Variants in IQCM observed in about 807,000 individuals in gnomAD.
IQCM encodes IQ motif containing M.
Under a neutral mutation model 57.6 loss-of-function variants are expected in IQCM, and 45 were observed. The ratio of observed to expected loss-of-function variants is 0.78; its 90% CI spans 0.62 to 1.00. The LOEUF is 1.00. Among genes scored for constraint, IQCM ranks in the 50% least tolerant of loss-of-function variants. The pLI is 0.00. For missense variants in IQCM, 468 were observed against 511.6 expected (o/e 0.91, Z 0.82); for synonymous variants, 148 against 158.9 (o/e 0.93, Z 0.51).
At chr4:149,473,631 A>C (rs1739840502) in intron 12 of IQCM, among the ~76,000 whole-genome samples, 1 of 152,194 alleles carries the variant, frequency 6.6e-6, no homozygotes, top group African/African-American at 2.4e-5. Flanking sequence ...CTGGGTATAC[A>C]CCCAAAGGAT....
chr4:149,741,035 T>C (rs1178815543), intron 3 of IQCM, among the ~76,000 whole-genome samples: 1 of 152,142 alleles, frequency 6.6e-6, no homozygotes, highest in African/African-American at 2.4e-5. Flanking sequence ...TACATGTAAG[T>C]GAAGAAAACA....
intron 2 of IQCM, among the ~76,000 whole-genome samples, chr4:149,743,561 A>T (rs1309834852): frequency 6.6e-6 from 1 of 152,204 alleles, no homozygotes; most frequent in Non-Finnish European, 1.5e-5. Context: ...TGCTGGATGA[A>T]TATCAGAATC....
At chr4:149,496,386 A>C (rs1742662448) in intron 12 of IQCM, among the ~76,000 whole-genome samples, 1 of 152,156 alleles carries the variant, frequency 6.6e-6, no homozygotes, top group African/African-American at 2.4e-5. Flanking sequence ...TTGCAGATGT[A>C]ATGAAGTGAA....
chr4:149,807,517 G>A (rs910350101), intron 2 of IQCM, among the ~76,000 whole-genome samples: 10 of 151,864 alleles, frequency 6.6e-5, no homozygotes, highest in African/African-American at 2.4e-4. Context: ...CATCAGTCTG[G>A]GCAAAGTTTT....
At chr4:149,657,505 A>C (rs1313846480) in intron 7 of IQCM, among the ~76,000 whole-genome samples, 1 of 152,052 alleles carries the variant, frequency 6.6e-6, no homozygotes, top group Non-Finnish European at 1.5e-5. Flanking sequence ...GACAGAATTC[A>C]TCTCCTGTGG....
chr4:149,622,926 G>T (rs1415204824), intron 7 of IQCM, among the ~76,000 whole-genome samples: 1 of 152,082 alleles, frequency 6.6e-6, no homozygotes, highest in Non-Finnish European at 1.5e-5. Context: ...ACTGTTCCAA[G>T]GCAAGGACTA....
intron 9 of IQCM, among the ~76,000 whole-genome samples, chr4:149,587,062 TA>T (rs1484876492): frequency 3.3e-5 from 5 of 151,736 alleles, no homozygotes; most frequent in African/African-American, 1.2e-4. Flanking sequence ...TTTCTCCTTT[TA>T]TGAAATTTCC....
chr4:149,431,595 G>A (rs1395393490), intron 13 of IQCM, among the ~76,000 whole-genome samples: 2 of 151,922 alleles, frequency 1.3e-5, no homozygotes, highest in African/African-American at 4.8e-5. Flanking sequence ...GATACAGAAT[G>A]GTTCCATCAC....
intron 10 of IQCM, among the ~76,000 whole-genome samples, chr4:149,553,975 A>T (rs1380260243): frequency 6.6e-6 from 1 of 151,990 alleles, no homozygotes; most frequent in Non-Finnish European, 1.5e-5. Flanking sequence ...TTAACAAGTC[A>T]ATTATTTTTA....
intron 7 of IQCM, among the ~76,000 whole-genome samples, chr4:149,673,942 G>GTA (rs1175189808): frequency 1.3e-5 from 2 of 152,140 alleles, no homozygotes; most frequent in East Asian, 3.9e-4. Context: ...AAACTCTAAA[G>GTA]AACTTTAAAC....
chr4:149,804,350 A>C (rs778210458), intron 2 of IQCM, among the ~76,000 whole-genome samples: 2 of 151,998 alleles, frequency 1.3e-5, no homozygotes, highest in Admixed American at 6.6e-5. Context: ...TTTATTTCTC[A>C]AGAAAGTCCA....
intron 5 of IQCM, among the ~76,000 whole-genome samples, chr4:149,687,261 T>C (rs1762610719): frequency 6.6e-6 from 1 of 151,726 alleles, no homozygotes; most frequent in South Asian, 2.1e-4. Context: ...ATATTCAAAA[T>C]GTACGTTCAG....
chr4:149,461,586 C>A (rs1313926951), intron 12 of IQCM, among the ~76,000 whole-genome samples: 1 of 147,960 alleles, frequency 6.8e-6, no homozygotes, highest in Non-Finnish European at 1.5e-5. Context: ...CCTGGGAGGT[C>A]GAGGCTGCCA....
intron 12 of IQCM, among the ~76,000 whole-genome samples, chr4:149,499,494 ATAT>A (rs990326660): frequency 5.3e-5 from 8 of 152,316 alleles, no homozygotes; most frequent in African/African-American, 1.4e-4. Context: ...ATAATAAAAT[ATAT>A]TATAAAACCA....
At chr4:149,580,873 C>A (rs1463891739) in intron 9 of IQCM, among the ~76,000 whole-genome samples, 3 of 151,462 alleles carry the variant, frequency 2.0e-5, no homozygotes, top group Middle Eastern at 3.2e-3. Context: ...AAGGGTGATT[C>A]AATAATTGAA....
intron 2 of IQCM, among the ~76,000 whole-genome samples, chr4:149,790,845 C>T (rs771080562): frequency 2.0e-5 from 3 of 151,684 alleles, no homozygotes; most frequent in African/African-American, 7.3e-5. Context: ...TTTTTTGGTA[C>T]TTTTATTTAT....
At chr4:149,450,038 A>G (rs1355053307) in intron 12 of IQCM, among the ~76,000 whole-genome samples, 2 of 151,786 alleles carry the variant, frequency 1.3e-5, no homozygotes, top group Non-Finnish European at 2.9e-5. Flanking sequence ...AGAAATGAGA[A>G]CTCAGAAACA....
intron 12 of IQCM, among the ~76,000 whole-genome samples, chr4:149,472,436 G>A (rs1267560185): frequency 2.0e-5 from 3 of 152,084 alleles, no homozygotes; most frequent in Non-Finnish European, 4.4e-5. Flanking sequence ...ACTTCTTCAA[G>A]GAGAACTACA....
intron 8 of IQCM, among the ~76,000 whole-genome samples, chr4:149,595,789 G>C (rs1176728019): frequency 6.6e-6 from 1 of 152,092 alleles, no homozygotes; most frequent in Non-Finnish European, 1.5e-5. Flanking sequence ...TGGTTTAAAA[G>C]CCATATAACC....
Sources: gnomAD v4.1 joint callset for allele counts (sites outside exome capture counted in the v4.1 genomes callset) on GRCh38, gnomAD v4.1.1 for gene constraint, MANE v1.5 for transcripts, NCBI Gene and HGNC (gene_info 2026-07-23, HGNC 2026-07-21) for gene names.